The following ATRX variants were observed in gnomAD, a reference collection of about 807,000 sequenced individuals.
ATRX encodes chromatin remodeler ATRX.
ATRX carries 12 observed loss-of-function variants against 172.6 expected under a neutral mutation model. That is an observed-to-expected ratio of 0.07 (90% confidence interval 0.04 to 0.11). The LOEUF is 0.11. Among genes scored for constraint, ATRX ranks in the 10% least tolerant of loss-of-function variants. The probability of loss-of-function intolerance (pLI) is 1.00; values close to 1 mark genes in which losing one functional copy is unlikely to be tolerated. For missense variants in ATRX, 1,368 were observed against 1,767.4 expected (o/e 0.77, Z 4.05); for synonymous variants, 674 against 594.7 (o/e 1.13, Z -1.94).
chrX:77,621,346 G>A lies in ATRX; in HGVS notation c.5135-814C>T, dbSNP rs1348070945. 2.7e-5 allele frequency among the ~76,000 whole-genome samples: 3 copies of A among 110,537 alleles called. No homozygotes were observed. In the Admixed American group the frequency reaches 2.9e-4, roughly 11 times the overall value. On this transcript the variant is annotated intron_variant, in intron 19 of 34. Coordinates refer to ENST00000373344, the MANE Select transcript of ATRX (RefSeq NM_000489.6). ...TTTATTTGAGATGGAGTCTCCCTCT[G>A]TCGCCCAGGCTGGAATGCAGTGGCA...
intron 12 of ATRX, among the ~76,000 whole-genome samples, chrX:77,657,067 C>G (rs1557120221): frequency 9.0e-6 from 1 of 111,349 alleles, no homozygotes. Flanking sequence ...AACCGAAGAA[C>G]TCGGAAAGGG....
chrX:77,696,752 G>A (rs375335629), intron 4 of ATRX, 48 bp from the exon 5 acceptor site: 349 of 1,132,228 alleles, frequency 3.1e-4, no homozygotes, highest in Non-Finnish European at 4.0e-4. Flanking sequence ...CTGACAACTG[G>A]AACAATACCC....
intron 32 of ATRX, 120 bp downstream of exon 32, chrX:77,522,143 C>T: frequency 4.1e-6 from 4 of 975,498 alleles, no homozygotes; most frequent in African/African-American, 1.9e-5. Context: ...AAAATTTATT[C>T]GTCTATTCAG....
chrX:77,778,924 A>C (rs1001762359), intron 1 of ATRX, among the ~76,000 whole-genome samples: 2 of 107,963 alleles, frequency 1.9e-5, no homozygotes, highest in African/African-American at 3.4e-5. Context: ...TTCAAATGCT[A>C]TCTCTCTTTT....
At chrX:77,757,168 T>A (rs1350910157) in intron 1 of ATRX, among the ~76,000 whole-genome samples, 1 of 111,733 alleles carries the variant, frequency 8.9e-6, no homozygotes, top group Admixed American at 9.6e-5. Context: ...AGCATCCAAC[T>A]GTTAAATGCA....
chrX:77,526,668 C>A (rs1374215431), intron 30 of ATRX, among the ~76,000 whole-genome samples: 3 of 112,459 alleles, frequency 2.7e-5, no homozygotes, highest in Admixed American at 9.4e-5. Context: ...AACATAAAAA[C>A]TGAAACAATG....
intron 28 of ATRX, among the ~76,000 whole-genome samples, chrX:77,571,637 G>A (rs782281968): frequency 9.0e-6 from 1 of 111,456 alleles, no homozygotes; most frequent in East Asian, 2.8e-4. Context: ...GAATATTTCT[G>A]TATCTTGATT....
At position 77,508,229 on chromosome X, in the gene ATRX, G is replaced by A; in HGVS notation, c.*122C>T. On this transcript the variant is annotated 3_prime_UTR_variant, in exon 35 of 35. Coordinates refer to ENST00000373344, the MANE Select transcript of ATRX (RefSeq NM_000489.6). The stretch of plus-strand genomic sequence containing the variant: ...AAAAAAAAAAAGTAAAACTAATATG[G>A]AAGATTGGCATTTAAGGGGACCAAA... The A allele has an allele frequency of 1.2e-6, 1 of 854,856 alleles. No individual in the cohort carries two copies. The highest frequency in any genetic ancestry group is 1.6e-6 in the Non-Finnish European group (1 of 608,421). The allele number at this position is 854,856 out of a possible 1,213,427, so 70.4% of individuals were successfully genotyped here.
chrX:77,604,651 A>T (rs1253998404), intron 22 of ATRX, among the ~76,000 whole-genome samples: 1 of 112,238 alleles, frequency 8.9e-6, no homozygotes, highest in Non-Finnish European at 1.9e-5. Context: ...TATCTACCAA[A>T]AGAGAAAGAA....
rs541018219 is a variant in ATRX at position 77,549,763 on chromosome X, T to C, written c.6699+7688A>G. Among the ~76,000 whole-genome samples, 94 of 111,914 alleles carry C rather than the reference T, an allele frequency of 8.4e-4. 1 individual carries two copies. In the Admixed American group the frequency reaches 8.6e-3, roughly 10 times the overall value. On this transcript the variant is annotated intron_variant, in intron 30 of 34. Coordinates refer to ENST00000373344, the MANE Select transcript of ATRX (RefSeq NM_000489.6). ...TATTAAAAAATAGGTTCACAGGACG[T>C]CAAGGCTATTATATTTCCAAAAGGG...
At chrX:77,637,982 T>TA (rs1214396185) in intron 15 of ATRX, among the ~76,000 whole-genome samples, 2 of 106,457 alleles carry the variant, frequency 1.9e-5, no homozygotes, top group African/African-American at 3.4e-5. Flanking sequence ...AAAAAAACTT[T>TA]AAAAAAAAAT....
At chrX:77,662,665 CTGTT>C (rs1452574794) in intron 12 of ATRX, among the ~76,000 whole-genome samples, 1 of 111,334 alleles carries the variant, frequency 9.0e-6, no homozygotes, top group Non-Finnish European at 1.9e-5. Flanking sequence ...AAGTGGTCAA[CTGTT>C]TGAGCAGATA....
chrX:77,660,420 C>T (rs2069811614), intron 12 of ATRX, among the ~76,000 whole-genome samples: 1 of 109,192 alleles, frequency 9.2e-6, no homozygotes, highest in Non-Finnish European at 1.9e-5. Flanking sequence ...AAAAAATTAG[C>T]CGGGCATGGT....
At chrX:77,532,761 A>G (rs1557046858) in intron 30 of ATRX, among the ~76,000 whole-genome samples, 1 of 112,190 alleles carries the variant, frequency 8.9e-6, no homozygotes, top group East Asian at 2.8e-4. Context: ...AAACACCAAA[A>G]GCAATTGCAA....
Position 77,683,106 on chromosome X carries a change from G to C in ATRX, c.2150C>G (p.Pro717Arg), listed in dbSNP as rs372617572. The change falls in exon 9 of 35, where the codon CCA becomes CGA. Residue 717 changes from proline to arginine, a missense_variant. Around this residue, in one of 17 missense-constraint regions of ATRX, gnomAD observed 843 missense variants for 643.1 expected, o/e 1.31. Coordinates refer to ENST00000373344, the MANE Select transcript of ATRX (RefSeq NM_000489.6). Reference protein sequence around the residue: ...AIDNPKPNKLPKSKQSETVDQ... With the variant: ...AIDNPKPNKLRKSKQSETVDQ... ...CACAGTCTCTGATTGCTTAGATTTT[G>C]GCAATTTATTAGGCTTAGGATTATC... 8.3e-7 allele frequency: 1 copy of C among 1,208,840 alleles called. No individual in the cohort carries two copies. The highest frequency in any genetic ancestry group is 2.2e-5 in the Admixed American group (1 of 45,648).
At chrX:77,658,586 A>C (rs1372082998) in intron 12 of ATRX, among the ~76,000 whole-genome samples, 1 of 112,303 alleles carries the variant, frequency 8.9e-6, no homozygotes, top group Non-Finnish European at 1.9e-5. Context: ...TTTGATAGTA[A>C]ATATTTTTGA....
intron 27 of ATRX, among the ~76,000 whole-genome samples, chrX:77,582,694 CATT>C (rs1569526339): frequency 1.8e-5 from 2 of 111,547 alleles, no homozygotes; most frequent in Non-Finnish European, 3.8e-5. Flanking sequence ...TTCAAAGAAT[CATT>C]AGTTGCTATT....
intron 30 of ATRX, among the ~76,000 whole-genome samples, chrX:77,527,113 C>T (rs1188137869): frequency 8.9e-6 from 1 of 112,255 alleles, no homozygotes; most frequent in Non-Finnish European, 1.9e-5. Context: ...CATCCAATTA[C>T]AAAACCAGGA....
intron 10 of ATRX, chrX:77,674,562 T>G: frequency 9.0e-6 from 1 of 111,156 alleles, no homozygotes; most frequent in East Asian, 2.8e-4. Context: ...AAAATGATAT[T>G]TATATTTTGA....
Sources: allele counts gnomAD v4.1 joint callset (sites outside exome capture counted in the v4.1 genomes callset), GRCh38; gene constraint gnomAD v4.1.1; regional missense constraint gnomAD v4.1.1; transcripts MANE v1.5; gene names NCBI Gene and HGNC (gene_info 2026-07-23, HGNC 2026-07-21).